Variants in SERPINA1 observed in about 807,000 individuals in gnomAD.
SERPINA1 encodes alpha-1-antitrypsin.
In SERPINA1, 21 loss-of-function variants were observed where a neutral mutation model predicts 25.4. The ratio of observed to expected loss-of-function variants is 0.83; its 90% CI spans 0.59 to 1.19. SERPINA1 has a LOEUF of 1.19. Ranked by LOEUF, SERPINA1 falls within the 50% of genes most tolerant of loss-of-function variation. The pLI, the probability that SERPINA1 is intolerant of heterozygous loss-of-function variation, is 0.00. For synonymous variants in SERPINA1, 218 were observed against 211.1 expected, an observed-to-expected ratio of 1.03 and a Z score of -0.29; for missense variants, 546 against 509.0, an observed-to-expected ratio of 1.07 and a Z score of -0.70.
In SERPINA1 at chr14:94,384,744, G is replaced by T. The variant is rs767347448; in HGVS notation, c.-4-1503C>A. Among the ~76,000 whole-genome samples, 12 of 152,126 alleles carry T rather than the reference G, an allele frequency of 7.9e-5. No individual in the cohort carries two copies. In the South Asian group the frequency reaches 8.3e-4, roughly 11 times the overall value. On this transcript the variant is annotated intron_variant, in intron 1 of 4. Coordinates refer to ENST00000393087, the MANE Select transcript of SERPINA1 (RefSeq NM_000295.5). The stretch of plus-strand genomic sequence containing the variant: ...CATCTTAACAAAATACAAAGAAAAA[G>T]GTGTCCTTGAATTTGGGAAATGAAA...
chr14:94,382,475 C>G (rs772805567), intron 2 of SERPINA1, 117 bp downstream of exon 2: 7 of 1,217,380 alleles, frequency 5.8e-6, no homozygotes, highest in Non-Finnish European at 8.4e-6. Context: ...AGAATCCACG[C>G]TGAAAAGCAT....
intron 3 of SERPINA1, 193 bp downstream of exon 3, chr14:94,380,678 C>T: frequency 1.4e-6 from 1 of 701,176 alleles, no homozygotes. Context: ...CTGTCCTCCT[C>T]ATGGAGCATG....
Position 94,378,352 on chromosome 14 carries a change from A to T in SERPINA1, c.*97T>A. 9.5e-7 allele frequency: 1 copy of T among 1,048,574 alleles called. No individual in the cohort carries two copies. The highest frequency in any genetic ancestry group is 1.5e-6 in the Non-Finnish European group (1 of 675,512). 65.0% of individuals were successfully genotyped at this position (1,048,574 alleles called of 1,614,324 possible). On this transcript the variant is annotated 3_prime_UTR_variant, in exon 5 of 5. Transcript: ENST00000393087. ...CTCAGAGAAAACATGGGAGGGATTT[A>T]CAGTCACATGCAGGCAGGGACCAGC...
chr14:94,381,766 A>C (rs7145047), intron 2 of SERPINA1, among the ~76,000 whole-genome samples: 3,609 of 152,280 alleles, frequency 0.024, 119 homozygotes, highest in African/African-American at 0.071. Context: ...CTGGGCCCCC[A>C]CTAAGGCCAC....
chr14:94,380,779 C>T, intron 3 of SERPINA1, 92 bp downstream of exon 3: 1 of 1,551,548 alleles, frequency 6.4e-7, no homozygotes, highest in South Asian at 1.1e-5. Flanking sequence ...GTTCACCCTC[C>T]TCAGCCCTCT....
intron 2 of SERPINA1, among the ~76,000 whole-genome samples, chr14:94,381,747 G>A (rs1002731664): frequency 1.3e-5 from 2 of 152,200 alleles, no homozygotes; most frequent in Admixed American, 6.5e-5. Flanking sequence ...ACTGGGGCTG[G>A]AGAGGGACCT....
upstream of SERPINA1, chr14:94,390,577 G>A (rs8004738): frequency 0.54 from 82,832 of 152,556 alleles, 23,234 homozygotes; most frequent in African/African-American, 0.67. Context: ...CAGCAGCAGC[G>A]GCTAGGCCTT....
chr14:94,385,305 T>C (rs1312378222), intron 1 of SERPINA1, among the ~76,000 whole-genome samples: 1 of 152,212 alleles, frequency 6.6e-6, no homozygotes, highest in African/African-American at 2.4e-5. Flanking sequence ...AAGACTTCAC[T>C]GGGGCCCTCT....
At chr14:94,388,910 T>C (rs1289839129), upstream of SERPINA1, 3 of 152,290 alleles carry the variant, frequency 2.0e-5, no homozygotes, top group Admixed American at 2.0e-4. Flanking sequence ...GCTGGCCCTC[T>C]GCTCTCACTG....
chr14:94,380,639 C>T (rs993207052), intron 3 of SERPINA1: 22 of 593,936 alleles, frequency 3.7e-5, no homozygotes, highest in African/African-American at 7.5e-5. Context: ...TCCCCAGGGA[C>T]GAGACCTTTA....
At chr14:94,387,513 C>A (rs938620609) in intron 1 of SERPINA1, among the ~76,000 whole-genome samples, 1 of 152,026 alleles carries the variant, frequency 6.6e-6, no homozygotes. Context: ...AGATCAAGGT[C>A]GGGTGGGGTG....
At position 94,382,846 on chromosome 14, in the gene SERPINA1, T is replaced by C; in HGVS notation, c.392A>G (p.Asp131Gly). The change falls in exon 2 of 5, where the codon GAC becomes GGC. Residue 131 changes from aspartate to glycine, a missense_variant. By Grantham distance (94) the Asp-to-Gly change is moderately conservative. Transcript: ENST00000393087. ...GCCGGTGGTCAGCTGGAGCTGGCTG[T>C]CTGGCTGGTTGAGGGTACGGAGGAG... ...QELLRTLNQP[D>G]SQLQLTTGNG... 1 of 1,614,178 alleles carries C rather than the reference T, an allele frequency of 6.2e-7. No individual in the cohort carries two copies. The highest frequency in any genetic ancestry group is 2.2e-5 in the East Asian group (1 of 44,878).
intron 2 of SERPINA1, among the ~76,000 whole-genome samples, 157 bp downstream of exon 2, chr14:94,382,435 A>G (rs531456238): frequency 2.0e-5 from 3 of 152,354 alleles, no homozygotes; most frequent in African/African-American, 7.2e-5. Flanking sequence ...ATGATGGAAA[A>G]CATTTTAGTG....
chr14:94,388,645 G>C (rs920752500), upstream of SERPINA1: 1 of 152,382 alleles, frequency 6.6e-6, no homozygotes, highest in Non-Finnish European at 1.5e-5. Flanking sequence ...TGGATCCAGA[G>C]GGGCAACGGG....
chr14:94,383,131 T>A lies in SERPINA1; in HGVS notation c.107A>T (p.Asp36Val), dbSNP rs1158625562. The change falls in exon 2 of 5, where the codon GAT becomes GTT. Residue 36 changes from aspartate (D) to valine (V), a missense_variant. By Grantham distance (152) the Asp-to-Val change is radical. Coordinates refer to ENST00000393087, the MANE Select transcript of SERPINA1 (RefSeq NM_000295.5). ...DPQGDAAQKT[D>V]TSHHDQDHPT... ...GTGATCCTGATCATGGTGGGATGTA[T>A]CTGTCTTCTGGGCAGCATCTCCCTG... The A allele has an allele frequency of 6.2e-7, 1 of 1,614,214 alleles. No homozygotes were observed. Among genetic ancestry groups the A allele is most frequent in the Admixed American group, 1.7e-5 (1 of 60,032 alleles).
intron 1 of SERPINA1, among the ~76,000 whole-genome samples, chr14:94,387,820 G>A (rs542103217): frequency 2.1e-4 from 32 of 152,272 alleles, no homozygotes; most frequent in African/African-American, 7.5e-4. Context: ...ACTAGTAACT[G>A]CCTTGGAGGG....
rs772289957 is a variant in SERPINA1 at position 94,378,614 on chromosome 14, G to C, written c.1092C>G (p.Ile364Met). ...CAGCAGCTTCAGTCCCTTTCTCGTCGATGGTCAGCACAGCCTTATGCACGG... is the reference window on the plus strand; with the variant it reads ...CAGCAGCTTCAGTCCCTTTCTCGTCCATGGTCAGCACAGCCTTATGCACGG... ...SKAVHKAVLT[I>M]DEKGTEAAGA... Residue 364 changes from isoleucine (I) to methionine (M), a missense_variant, in exon 5 of 5, where the codon ATC becomes ATG. Ile to Met is a conservative substitution (Grantham distance 10, BLOSUM62 1). Transcript: ENST00000393087. 1 of 1,614,002 alleles carries C rather than the reference G, an allele frequency of 6.2e-7. No individual in the cohort carries two copies. Among genetic ancestry groups the C allele is most frequent in the South Asian group, 1.1e-5 (1 of 91,060 alleles).
In SERPINA1 at chr14:94,378,415, G is replaced by C; in HGVS notation, c.*34C>G. On this transcript the variant is annotated 3_prime_UTR_variant, in exon 5 of 5. Transcript: ENST00000393087. ...TAATGTCATCCAGGGAGGGGGCCAGGGATGGAGGGGAGGGGTTGAGGAGCG... is the reference window on the plus strand; with the variant it reads ...TAATGTCATCCAGGGAGGGGGCCAGCGATGGAGGGGAGGGGTTGAGGAGCG... 1 of 1,591,238 alleles carries C rather than the reference G, an allele frequency of 6.3e-7. No homozygotes were observed. The highest frequency in any genetic ancestry group is 8.6e-7 in the Non-Finnish European group (1 of 1,159,228).
At chr14:94,380,615 A>T in intron 3 of SERPINA1, 1 of 557,698 alleles carries the variant, frequency 1.8e-6, no homozygotes, top group Middle Eastern at 4.9e-4. Context: ...CAGTGTCCAC[A>T]CTGGAGTGGG....
Sources: gnomAD v4.1 joint callset for allele counts (sites outside exome capture counted in the v4.1 genomes callset) on GRCh38, gnomAD v4.1.1 for gene constraint, MANE v1.5 for transcripts, NCBI Gene and HGNC (gene_info 2026-07-23, HGNC 2026-07-21) for gene names.